CDH13: variants seen among roughly 807,000 people sequenced by gnomAD.
CDH13 encodes cadherin-13.
Under a neutral mutation model 63.8 loss-of-function variants are expected in CDH13, and 24 were observed. The ratio of observed to expected loss-of-function variants is 0.38; its 90% confidence interval spans 0.27 to 0.53. The LOEUF is 0.53. Among genes scored for constraint, CDH13 ranks in the 20% least tolerant of loss-of-function variants. CDH13 has a pLI of 0.85. For synonymous variants in CDH13, 503 were observed against 355.3 expected, an observed-to-expected ratio of 1.42 and a Z score of -4.67; for missense variants, 1,049 against 903.1, an observed-to-expected ratio of 1.16 and a Z score of -2.07.
chr16:82,656,138 G>A (rs1362527527), intron 1 of CDH13, among the ~76,000 whole-genome samples: 1 of 152,190 alleles, frequency 6.6e-6, no homozygotes, highest in African/African-American at 2.4e-5. Context: ...TGACATATGA[G>A]CTGAGACTGA....
rs1389661731 is a variant in CDH13, at chr16:83,466,525, A to G, written c.782-19952A>G. On this transcript the variant is annotated intron_variant, in intron 6 of 13. Coordinates refer to ENST00000567109, the MANE Select transcript of CDH13 (RefSeq NM_001257.5). ...GGGAGGAAAACTGCAAACATCATGC[A>G]ATTTATATAACATTTTCCCTTAACA... is the stretch of plus-strand genomic sequence containing the variant. Among the ~76,000 whole-genome samples the G allele has an allele frequency of 5.3e-5, 8 of 152,318 alleles. No homozygotes were observed. The East Asian group carries it at 1.5e-3, about 29-fold the overall frequency.
At chr16:83,108,359 C>G (rs1391155658) in intron 3 of CDH13, among the ~76,000 whole-genome samples, 1 of 152,132 alleles carries the variant, frequency 6.6e-6, no homozygotes, top group African/African-American at 2.4e-5. Flanking sequence ...GAGTTCTTGT[C>G]AAACAACCAG....
At chr16:83,693,128 G>A (rs984866427) in intron 10 of CDH13, among the ~76,000 whole-genome samples, 1 of 152,154 alleles carries the variant, frequency 6.6e-6, no homozygotes, top group African/African-American at 2.4e-5. Flanking sequence ...GGCCACAACT[G>A]CCAGACTAGT....
intron 6 of CDH13, among the ~76,000 whole-genome samples, chr16:83,437,251 CCTT>C (rs2072333223): frequency 6.6e-6 from 1 of 152,204 alleles, no homozygotes; most frequent in African/African-American, 2.4e-5. Flanking sequence ...GTCTCAGTTT[CCTT>C]CTTTGTTAGA....
At chr16:82,813,728 A>G (rs2037563485) in intron 1 of CDH13, among the ~76,000 whole-genome samples, 1 of 152,186 alleles carries the variant, frequency 6.6e-6, no homozygotes, top group Non-Finnish European at 1.5e-5. Flanking sequence ...GAAAGAAACT[A>G]AAACCAAACT....
In CDH13 at chr16:83,750,470, T is replaced by C. The variant is rs527741770; in HGVS notation, c.1681+2220T>C. ...TGACTGAACTGTGTCCTCTCAATGT[T>C]GACGTATTGGAGTCCTAATCCCTGG... On this transcript the variant is annotated intron_variant, in intron 11 of 13. Coordinates refer to ENST00000567109, the MANE Select transcript of CDH13 (RefSeq NM_001257.5). 3.3e-5 allele frequency among the ~76,000 whole-genome samples: 5 copies of C among 152,264 alleles called. No homozygotes were observed. The South Asian group carries it at 1.0e-3, about 32-fold the overall frequency.
chr16:83,795,360 G>A lies in CDH13; in HGVS notation c.*330G>A, dbSNP rs989741816. ...CGCTAGCCAGTGCTCCAGGCACCCA[G>A]CTTTGTCTGTGGGTTAGTATTGGTG... On this transcript the variant is annotated 3_prime_UTR_variant, in exon 14 of 14. Transcript: ENST00000567109. 8 of 336,944 alleles carry A rather than the reference G, an allele frequency of 2.4e-5. No individual in the cohort carries two copies. The highest frequency in any genetic ancestry group is 4.4e-5 in the Non-Finnish European group (8 of 181,664). 20.9% of individuals were successfully genotyped at this position (336,944 alleles called of 1,614,324 possible).
intron 7 of CDH13, among the ~76,000 whole-genome samples, chr16:83,566,001 G>A (rs189892010): frequency 6.6e-6 from 1 of 152,282 alleles, no homozygotes. Flanking sequence ...GTTTAAGACT[G>A]GGACTCATTT....
chr16:83,065,348 A>G (rs1369562891), intron 3 of CDH13, among the ~76,000 whole-genome samples: 1 of 152,168 alleles, frequency 6.6e-6, no homozygotes, highest in African/African-American at 2.4e-5. Flanking sequence ...GCTGGTACAA[A>G]GATGGGTAAG....
intron 7 of CDH13, among the ~76,000 whole-genome samples, chr16:83,601,795 A>G (rs1437588470): frequency 6.6e-6 from 1 of 152,128 alleles, no homozygotes; most frequent in Non-Finnish European, 1.5e-5. Context: ...GGATGTAAAC[A>G]TTAAAGGACA....
Position 83,511,036 on chromosome 16 carries a change from G to A in CDH13, c.960+24381G>A, listed in dbSNP as rs112801606. Among the ~76,000 whole-genome samples, 905 of 150,522 alleles carry A rather than the reference G, an allele frequency of 6.0e-3. 8 individuals are homozygous for A. The highest frequency in any genetic ancestry group is 0.02 in the African/African-American group (840 of 41,100). On this transcript the variant is annotated intron_variant, in intron 7 of 13. Coordinates refer to ENST00000567109, the MANE Select transcript of CDH13 (RefSeq NM_001257.5). ...CCCACACACATACACGGACACGCACGCATGCACACGTGTGTGCACACACAG... is the reference window on the plus strand; with the variant it reads ...CCCACACACATACACGGACACGCACACATGCACACGTGTGTGCACACACAG...
intron 1 of CDH13, among the ~76,000 whole-genome samples, chr16:82,677,314 T>C (rs1189768735): frequency 6.6e-6 from 1 of 152,222 alleles, no homozygotes; most frequent in East Asian, 1.9e-4. Context: ...ACCCCTCTTA[T>C]TCCCTCTTCT....
intron 1 of CDH13, among the ~76,000 whole-genome samples, chr16:82,672,394 C>G (rs570169235): frequency 6.6e-6 from 1 of 152,252 alleles, no homozygotes; most frequent in East Asian, 1.9e-4. Flanking sequence ...CATGTATGCA[C>G]CACCACCTTA....
In CDH13 at chr16:83,070,025, C is replaced by T. The variant is rs139960865; in HGVS notation, c.366+37807C>T. Among the ~76,000 whole-genome samples the T allele has an allele frequency of 4.1e-3, 621 of 152,150 alleles. 2 individuals are homozygous for T. The highest frequency in any genetic ancestry group is 0.014 in the African/African-American group (598 of 41,518). ...AAATTTCCCAAAATTTTGAGGACAA[C>T]TTCCCTTTTTTTCAAGGCACTTGAT... On this transcript the variant is annotated intron_variant, in intron 3 of 13. Coordinates refer to ENST00000567109, the MANE Select transcript of CDH13 (RefSeq NM_001257.5).
chr16:83,267,549 G>A (rs1052885721), intron 5 of CDH13, among the ~76,000 whole-genome samples: 2 of 152,160 alleles, frequency 1.3e-5, no homozygotes, highest in Non-Finnish European at 2.9e-5. Context: ...TTAGGTCATG[G>A]GGGCTCCACC....
rs1355458756 is a variant in CDH13, at chr16:83,443,718, AAAAAAAAAAAAAAAAAAATAT to A, written c.782-42757_782-42737del. Among the ~76,000 whole-genome samples, 213 of 95,506 alleles carry A rather than the reference AAAAAAAAAAAAAAAAAAATAT, an allele frequency of 2.2e-3. 1 individual carries two copies. The highest frequency in any genetic ancestry group is 0.019 in the Middle Eastern group (4 of 212). The allele number at this position is 95,506 out of a possible 152,430, so 62.7% of individuals were successfully genotyped here. A position where few individuals can be genotyped will look rare whatever the true frequency, so the allele number is the denominator to read the frequency against. ...CGAAGTCCCTACGAAAAAAAAAAAA[AAAAAAAAAAAAAAAAAAATAT>A]ATATATATATATATATATATATATG... On this transcript the variant is annotated intron_variant, in intron 6 of 13. Transcript: ENST00000567109.
At position 82,987,289 on chromosome 16, in the gene CDH13, C is replaced by G. The variant is rs528389872; in HGVS notation, c.158-44721C>G. On this transcript the variant is annotated intron_variant, in intron 2 of 13. Transcript: ENST00000567109. ...TGTGTTGCATTAATTAGCTGTCTTT[C>G]TATCTACTGGGCAGAGATCTTATGA... Among the ~76,000 whole-genome samples, 8 of 152,322 alleles carry G rather than the reference C, an allele frequency of 5.3e-5. No individual in the cohort carries two copies. The South Asian group carries it at 8.3e-4, about 16-fold the overall frequency.
intron 10 of CDH13, among the ~76,000 whole-genome samples, chr16:83,743,748 C>CTTTTTTTTTTTTTTTTTTTTTTGTTTTTT (rs67886035): frequency 1.3e-5 from 1 of 76,258 alleles, no homozygotes; most frequent in Non-Finnish European, 2.2e-5. Context: ...TTTCTTTTTT[C>CTTTTTTTTTTTTTTTTTTTTTTGTTTTTT]TTTTTTTTTT....
At position 83,217,607 on chromosome 16, in the gene CDH13, A is replaced by C. The variant is rs572759936; in HGVS notation, c.636+110A>C. 1.2e-5 allele frequency: 13 copies of C among 1,076,896 alleles called. No homozygotes were observed. The East Asian group carries it at 2.5e-4, about 20-fold the overall frequency. 66.7% of individuals were successfully genotyped at this position (1,076,896 alleles called of 1,614,324 possible). ...TGTGCCTCATCAAACCCGGGACTGC[A>C]TGGCTTTAGGGTGTTTCTGTGGGAG... On this transcript the variant is annotated intron_variant, in intron 5 of 13. Transcript: ENST00000567109.
Sources: gnomAD v4.1 joint callset for allele counts (sites outside exome capture counted in the v4.1 genomes callset) on GRCh38, gnomAD v4.1.1 for gene constraint, MANE v1.5 for transcripts, NCBI Gene and HGNC (gene_info 2026-07-23, HGNC 2026-07-21) for gene names.